Variants in SNRPB2 observed in about 807,000 individuals in gnomAD.
SNRPB2 encodes the protein small nuclear ribonucleoprotein polypeptide B2.
SNRPB2 carries 16 observed loss-of-function variants against 26.3 expected under a neutral mutation model. The observed-to-expected ratio is 0.61, with a 90% CI of 0.41 to 0.92. SNRPB2 has a LOEUF of 0.92. Among genes scored for constraint, SNRPB2 ranks in the 40% least tolerant of loss-of-function variants. The pLI, the probability that SNRPB2 is intolerant of heterozygous loss-of-function variation, is 0.00. For missense variants in SNRPB2, 179 were observed against 268.1 expected, an observed-to-expected ratio of 0.67 and a Z score of 2.32; for synonymous variants, 75 against 89.0, an observed-to-expected ratio of 0.84 and a Z score of 0.88.
intron 5 of SNRPB2, 132 bp from the exon 6 acceptor site, chr20:16,740,193 G>A: frequency 5.5e-6 from 8 of 1,466,054 alleles, no homozygotes; most frequent in Admixed American, 2.6e-5. Flanking sequence ...CTTAGTTACT[G>A]TAAGGTTTTG....
At position 16,741,386 on chromosome 20, in the gene SNRPB2, A is replaced by C. The variant is rs1460016052; in HGVS notation, c.*381A>C. 1 of 154,624 alleles carries C rather than the reference A, an allele frequency of 6.5e-6. No homozygotes were observed. The highest frequency in any genetic ancestry group is 1.4e-5 in the Non-Finnish European group (1 of 69,656). 9.6% of individuals were successfully genotyped at this position (154,624 alleles called of 1,614,324 possible). On this transcript the variant is annotated 3_prime_UTR_variant, in exon 7 of 7. Transcript: ENST00000246071. ...CATTCAATAAAAGTTAAGTAAAATT[A>C]GATCACAGAAGCTAGTAGATGACTG...
intron 3 of SNRPB2, among the ~76,000 whole-genome samples, chr20:16,734,014 A>G (rs964147071): frequency 2.0e-5 from 3 of 152,212 alleles, no homozygotes; most frequent in African/African-American, 7.2e-5. Context: ...GTTTTAGCTT[A>G]CATCTAAAAT....
Position 16,737,389 on chromosome 20 carries a change from A to T in SNRPB2, c.366A>T (p.Lys122Asn). Residue 122 changes from lysine to asparagine, a missense_variant, in exon 4 of 7, where the codon AAA becomes AAT. By Grantham distance (94) the Lys-to-Asn change is moderately conservative (BLOSUM62 0). Coordinates refer to ENST00000246071, the MANE Select transcript of SNRPB2 (RefSeq NM_003092.5). ...TVEQTATTTN[K>N]KPGQGTPNSA... ...AACAGACTGCAACAACCACAAACAA[A>T]AAGCCTGGCCAGGTAAGAAAGACCA... 1 of 1,585,004 alleles carries T rather than the reference A, an allele frequency of 6.3e-7. No individual in the cohort carries two copies. Among genetic ancestry groups the T allele is most frequent in the Non-Finnish European group, 8.5e-7 (1 of 1,172,918 alleles).
At chr20:16,733,592 A>G (rs918042646) in intron 3 of SNRPB2, among the ~76,000 whole-genome samples, 5 of 152,250 alleles carry the variant, frequency 3.3e-5, no homozygotes, top group South Asian at 2.1e-4. Context: ...GTAAAGGACC[A>G]GATAGTAAAT....
chr20:16,732,419 G>T, intron 3 of SNRPB2, 83 bp downstream of exon 3: 1 of 737,226 alleles, frequency 1.4e-6, no homozygotes, highest in East Asian at 2.7e-5. Context: ...GCTTGAAACT[G>T]TGGCTATTGC....
At chr20:16,733,582 G>A (rs992249226) in intron 3 of SNRPB2, among the ~76,000 whole-genome samples, 9 of 152,138 alleles carry the variant, frequency 5.9e-5, no homozygotes, top group African/African-American at 1.4e-4. Flanking sequence ...CAAACTTTCC[G>A]TAAAGGACCA....
In SNRPB2 at chr20:16,742,010, G is replaced by A. The variant is rs1426554256; in HGVS notation, c.*1005G>A. ...TGGTGTTCCTGTTTTAGTATTCCTT[G>A]AACAAAACCTTTATCACTTGGAATT... On this transcript the variant is annotated 3_prime_UTR_variant, in exon 7 of 7. Transcript: ENST00000246071. 1 of 152,040 alleles carries A rather than the reference G, an allele frequency of 6.6e-6. No homozygotes were observed. Among genetic ancestry groups the A allele is most frequent in the African/African-American group, 2.4e-5 (1 of 41,394 alleles). 9.4% of individuals were successfully genotyped at this position (152,040 alleles called of 1,614,324 possible).
At chr20:16,734,459 A>G (rs1378614737) in intron 3 of SNRPB2, among the ~76,000 whole-genome samples, 2 of 152,240 alleles carry the variant, frequency 1.3e-5, no homozygotes, top group African/African-American at 2.4e-5. Flanking sequence ...GTTAATGCCA[A>G]AAGTACCTTA....
chr20:16,740,251 G>A (rs979499448), intron 5 of SNRPB2, 74 bp from the exon 6 acceptor site: 1 of 1,581,450 alleles, frequency 6.3e-7, no homozygotes, highest in African/African-American at 1.4e-5. Context: ...GTTTGATATA[G>A]TAAGATTTCA....
intron 3 of SNRPB2, among the ~76,000 whole-genome samples, chr20:16,733,281 T>C (rs1271295252): frequency 6.6e-6 from 1 of 152,232 alleles, no homozygotes; most frequent in Non-Finnish European, 1.5e-5. Flanking sequence ...TTGTAAGCCA[T>C]ATATGGTTTC....
In SNRPB2 at chr20:16,731,712, A is replaced by T. The variant is rs2072392071; in HGVS notation, c.10A>T (p.Arg4Ter). 6.2e-7 allele frequency: 1 copy of T among 1,612,096 alleles called. No individual in the cohort carries two copies. Among genetic ancestry groups the T allele is most frequent in the South Asian group, 1.1e-5 (1 of 90,894 alleles). The stretch of plus-strand genomic sequence containing the variant: ...AGAATTTAACACAAACATGGATATC[A>T]GACCAAATCATACAATTTATATCAA... The part of the protein sequence containing the change: MDI[R>*]PNHTIYINNM... The change falls in exon 2 of 7, where the codon AGA (arginine) becomes TGA (stop). Residue 4 changes from arginine (R) to a stop codon, truncating the protein, a stop_gained. Coordinates refer to ENST00000246071, the MANE Select transcript of SNRPB2 (RefSeq NM_003092.5). LOFTEE classifies it high-confidence loss of function.
intron 3 of SNRPB2, among the ~76,000 whole-genome samples, chr20:16,733,699 T>C (rs2072407840): frequency 6.6e-6 from 1 of 152,250 alleles, no homozygotes; most frequent in African/African-American, 2.4e-5. Flanking sequence ...ACAGGCAGTG[T>C]TGGCTACAGA....
intron 3 of SNRPB2, among the ~76,000 whole-genome samples, chr20:16,735,932 T>C (rs2072423266): frequency 6.6e-6 from 1 of 152,254 alleles, no homozygotes; most frequent in Non-Finnish European, 1.5e-5. Context: ...ATTCCACAGC[T>C]GCGACACATG....
Position 16,741,675 on chromosome 20 carries a change from A to G in SNRPB2, c.*670A>G, listed in dbSNP as rs2072463799. The G allele has an allele frequency of 6.6e-6, 1 of 152,142 alleles. No homozygotes were observed. Among genetic ancestry groups the G allele is most frequent in the Non-Finnish European group, 1.5e-5 (1 of 68,012 alleles). 9.4% of individuals were successfully genotyped at this position (152,142 alleles called of 1,614,324 possible). A position where few individuals can be genotyped will look rare whatever the true frequency, so the allele number is the denominator to read the frequency against. On this transcript the variant is annotated 3_prime_UTR_variant, in exon 7 of 7. Transcript: ENST00000246071. ...AGGACTGTTCTAAGGTTAATATGCA[A>G]TCTCTTTATTGAAAGACCTCCAGGG...
At chr20:16,736,596 C>G (rs1178259252) in intron 3 of SNRPB2, among the ~76,000 whole-genome samples, 2 of 152,104 alleles carry the variant, frequency 1.3e-5, no homozygotes, top group East Asian at 3.9e-4. Flanking sequence ...CAAACCAGCC[C>G]TAGTGTTCTG....
chr20:16,740,264 T>C lies in SNRPB2; in HGVS notation c.430-61T>C, dbSNP rs923761773. 17 of 1,594,188 alleles carry C rather than the reference T, an allele frequency of 1.1e-5. No individual in the cohort carries two copies. The South Asian group carries it at 1.2e-4, about 11-fold the overall frequency. On this transcript the variant is annotated intron_variant, in intron 5 of 6. Transcript: ENST00000246071. ...TTGTTTGATATAGTAAGATTTCACA[T>C]GCCTAGCTTACGATGCTGTTTAAAC...
chr20:16,737,956 A>G (rs529009211), intron 4 of SNRPB2, among the ~76,000 whole-genome samples: 1 of 150,230 alleles, frequency 6.7e-6, no homozygotes, highest in South Asian at 2.1e-4. Flanking sequence ...GGAGAATAGC[A>G]TGAACCTGGG....
intron 5 of SNRPB2, among the ~76,000 whole-genome samples, chr20:16,739,903 CA>C (rs1444143647): frequency 8.9e-6 from 1 of 112,556 alleles, no homozygotes; most frequent in Non-Finnish European, 1.9e-5. Context: ...TTTCTAGTTC[CA>C]ATTTTTTTTT....
intron 3 of SNRPB2, among the ~76,000 whole-genome samples, chr20:16,737,004 C>T (rs539802924): frequency 6.6e-6 from 1 of 152,164 alleles, no homozygotes; most frequent in African/African-American, 2.4e-5. Flanking sequence ...ACAGATATTT[C>T]AAAGTCCTGT....
Sources: gnomAD v4.1 joint callset for allele counts (sites outside exome capture counted in the v4.1 genomes callset) on GRCh38, gnomAD v4.1.1 for gene constraint, MANE v1.5 for transcripts, NCBI Gene and HGNC (gene_info 2026-07-23, HGNC 2026-07-21) for gene names.